Variants in EIF4E2 observed in about 807,000 individuals in gnomAD.
EIF4E2 encodes the protein eukaryotic translation initiation factor 4E family member 2, also known as eukaryotic translation initiation factor 4E type 2.
Under a neutral mutation model 34.2 loss-of-function variants are expected in EIF4E2, and 13 were observed. That is an observed-to-expected ratio of 0.38 (90% CI 0.25 to 0.60). The LOEUF is 0.60. Ranked by LOEUF, EIF4E2 falls within the 20% of genes least tolerant of loss-of-function variation. The pLI, the probability that EIF4E2 is intolerant of heterozygous loss-of-function variation, is 0.62. For synonymous variants in EIF4E2, 100 were observed against 106.6 expected (o/e 0.94, Z 0.38); for missense variants, 222 against 315.1 (o/e 0.70, Z 2.24).
intron 6 of EIF4E2, chr2:232,568,210 GC>G: frequency 6.1e-6 from 6 of 985,330 alleles, no homozygotes; most frequent in Non-Finnish European, 7.2e-6. Context: ...CTAGTAGTGA[GC>G]CCAGCAATTA....
chr2:232,564,601 C>T lies in EIF4E2; in HGVS notation c.375+250C>T, dbSNP rs199699509. Among the ~76,000 whole-genome samples, 15 of 152,242 alleles carry T rather than the reference C, an allele frequency of 9.9e-5. No individual in the cohort carries two copies. The East Asian group carries it at 1.3e-3, about 14-fold the overall frequency. On this transcript the variant is annotated intron_variant, in intron 4 of 6. Coordinates refer to ENST00000258416, the MANE Select transcript of EIF4E2 (RefSeq NM_004846.4). The stretch of plus-strand genomic sequence containing the variant: ...TAGTAGCTGGGACTACAGGCGCCCA[C>T]CACCGCGCCCGGCTAATTTTTTGTG...
intron 3 of EIF4E2, among the ~76,000 whole-genome samples, chr2:232,562,361 AC>A (rs1179755993): frequency 1.3e-5 from 2 of 152,168 alleles, no homozygotes; most frequent in Non-Finnish European, 2.9e-5. Flanking sequence ...CAGGTGGATC[AC>A]CTGAGGTCAG....
At chr2:232,576,010 C>A (rs1215457032) in intron 6 of EIF4E2, among the ~76,000 whole-genome samples, 1 of 152,076 alleles carries the variant, frequency 6.6e-6, no homozygotes, top group Admixed American at 6.5e-5. Context: ...TCGAGACCAT[C>A]CTGGCCAACA....
At chr2:232,556,385 C>G (rs2106236530) in intron 1 of EIF4E2, 31 bp from the exon 2 acceptor site, 1 of 1,571,770 alleles carries the variant, frequency 6.4e-7, no homozygotes, top group South Asian at 1.1e-5. Context: ...GACTTCGTCA[C>G]AGAATTGTAT....
At chr2:232,574,230 G>A (rs181190571) in intron 6 of EIF4E2, 1,021 of 1,545,490 alleles carry the variant, frequency 6.6e-4, no homozygotes, top group Non-Finnish European at 7.9e-4. Flanking sequence ...TGATCTGAAT[G>A]TGCTATTGTG....
downstream of EIF4E2, among the ~76,000 whole-genome samples, chr2:232,571,296 G>A (rs1365214441): frequency 6.6e-6 from 1 of 152,206 alleles, no homozygotes; most frequent in Non-Finnish European, 1.5e-5. Flanking sequence ...CCCCTAAGAC[G>A]TGGACAACTT....
chr2:232,576,424 GA>G (rs1171684400), intron 6 of EIF4E2, among the ~76,000 whole-genome samples: 2 of 152,040 alleles, frequency 1.3e-5, no homozygotes, highest in African/African-American at 4.8e-5. Context: ...AATCCCCTAG[GA>G]AAAATATCTT....
intron 2 of EIF4E2, 102 bp downstream of exon 2, chr2:232,556,632 C>A: frequency 1.2e-6 from 1 of 821,902 alleles, no homozygotes; most frequent in Non-Finnish European, 2.0e-6. Context: ...TTGATGGCAT[C>A]CTGTGTTGGA....
chr2:232,558,859 A>G (rs1553582201), intron 3 of EIF4E2: 1 of 136,066 alleles, frequency 7.3e-6, no homozygotes, highest in Non-Finnish European at 1.6e-5. Flanking sequence ...TTTTGTGGGT[A>G]CTGGCAGTCA....
chr2:232,554,675 C>T (rs948305858), intron 1 of EIF4E2, among the ~76,000 whole-genome samples: 1 of 152,178 alleles, frequency 6.6e-6, no homozygotes, highest in African/African-American at 2.4e-5. Flanking sequence ...CTGAATAAAA[C>T]CAGAGAGATG....
At chr2:232,569,878 C>T (rs1421602243), downstream of EIF4E2, 1 of 152,212 alleles carries the variant, frequency 6.6e-6, no homozygotes, top group Non-Finnish European at 1.5e-5. Flanking sequence ...TGTGAGTTTG[C>T]TCTGTAGGAT....
intron 6 of EIF4E2, among the ~76,000 whole-genome samples, chr2:232,575,160 T>C (rs16829286): frequency 0.04 from 4,568 of 113,406 alleles, 142 homozygotes; most frequent in African/African-American, 0.087. Flanking sequence ...GAACAGAACA[T>C]GTCAACTGTA....
chr2:232,566,774 CA>C lies in EIF4E2; in HGVS notation c.376-48del. 5.0e-6 allele frequency: 8 copies of C among 1,601,240 alleles called. No individual in the cohort carries two copies. Among genetic ancestry groups the C allele is most frequent in the African/African-American group, 1.3e-5 (1 of 74,278 alleles). On this transcript the variant is annotated intron_variant, in intron 4 of 6. Transcript: ENST00000258416. The surrounding 1 kb of genome is among the most constrained non-coding windows in gnomAD (Gnocchi z 4.9). Reference sequence around the variant, plus strand: ...TTCTTGGCTTTTTACTGCCTTCATACAAAAAAAGGCTGTGAAACCATATTTT... The same window carrying C: ...TTCTTGGCTTTTTACTGCCTTCATACAAAAAAGGCTGTGAAACCATATTTT...
At position 232,566,578 on chromosome 2, in the gene EIF4E2, A is replaced by T. The variant is rs1692941096; in HGVS notation, c.376-251A>T. Among the ~76,000 whole-genome samples, 1 of 152,200 alleles carries T rather than the reference A, an allele frequency of 6.6e-6. No individual in the cohort carries two copies. Among genetic ancestry groups the T allele is most frequent in the Non-Finnish European group, 1.5e-5 (1 of 68,034 alleles). On this transcript the variant is annotated intron_variant, in intron 4 of 6. Coordinates refer to ENST00000258416, the MANE Select transcript of EIF4E2 (RefSeq NM_004846.4). This position sits in a 1 kb window ranked among gnomAD's most constrained non-coding sequence, Gnocchi z 4.9. ...TTGATTCCTAAAGTATTTCCAGTAAAGGGGATTATTTTTAAAAGGTCTGTT... is the reference window on the plus strand; with the variant it reads ...TTGATTCCTAAAGTATTTCCAGTAATGGGGATTATTTTTAAAAGGTCTGTT...
downstream of EIF4E2, among the ~76,000 whole-genome samples, chr2:232,571,685 G>A (rs1693094586): frequency 6.6e-6 from 1 of 152,182 alleles, no homozygotes; most frequent in African/African-American, 2.4e-5. Flanking sequence ...AAATTGTGGA[G>A]GCTTTCCCAC....
chr2:232,565,444 G>A (rs925054090), intron 4 of EIF4E2, among the ~76,000 whole-genome samples: 2 of 152,088 alleles, frequency 1.3e-5, no homozygotes, highest in Non-Finnish European at 2.9e-5. Flanking sequence ...GGCCAGCCTG[G>A]CCAACATGGT....
At chr2:232,551,345 T>A (rs898131149) in intron 1 of EIF4E2, 7 of 467,150 alleles carry the variant, frequency 1.5e-5, no homozygotes, top group Admixed American at 1.4e-4. Flanking sequence ...AAGACCTAAG[T>A]ATACTTGTTG....
At chr2:232,580,201 C>T (rs554002539) in intron 6 of EIF4E2, among the ~76,000 whole-genome samples, 1 of 151,898 alleles carries the variant, frequency 6.6e-6, no homozygotes, top group South Asian at 2.1e-4. Context: ...CCTGGAATAT[C>T]CTTTCCTTCT....
At chr2:232,550,788 T>C in intron 1 of EIF4E2, 44 bp downstream of exon 1, 1 of 1,518,358 alleles carries the variant, frequency 6.6e-7, no homozygotes, top group Non-Finnish European at 8.8e-7. Flanking sequence ...CCCCGAACAG[T>C]TCCCCCGCGC....
Sources: allele counts gnomAD v4.1 joint callset (sites outside exome capture counted in the v4.1 genomes callset), GRCh38; gene constraint gnomAD v4.1.1; non-coding constraint Gnocchi (gnomAD v3.1); transcripts MANE v1.5; gene names NCBI Gene and HGNC (gene_info 2026-07-23, HGNC 2026-07-21).